The following AARS1 variants were observed in gnomAD, a reference collection of about 807,000 sequenced individuals.
AARS1 encodes the protein alanine--tRNA ligase, cytoplasmic.
Under a neutral mutation model 108.9 loss-of-function variants are expected in AARS1, and 72 were observed. The observed-to-expected ratio is 0.66, with a 90% CI of 0.55 to 0.80. The LOEUF (loss-of-function observed/expected upper bound fraction) is 0.80. Among genes scored for constraint, AARS1 ranks in the 30% least tolerant of loss-of-function variants. AARS1 has a pLI of 0.00. For missense variants in AARS1, 1,193 were observed against 1,233.2 expected (o/e 0.97, Z 0.49); for synonymous variants, 489 against 465.7 (o/e 1.05, Z -0.64).
rs1420254437 is a variant in AARS1, at chr16:70,253,292, G to C, written c.2697C>G (p.Ile899Met). The C allele has an allele frequency of 1.4e-5, 22 of 1,614,102 alleles. No homozygotes were observed. The highest frequency in any genetic ancestry group is 1.8e-5 in the Non-Finnish European group (21 of 1,179,926). The change falls in exon 20 of 21, where the codon ATC (isoleucine) becomes ATG (methionine). Residue 899 changes from isoleucine (I) to methionine (M), a missense_variant. Ile to Met is a conservative substitution (Grantham distance 10). Transcript: ENST00000261772. ...CCTGGGGAACTTGACACAGGCACGT[G>C]ATCTTGCCAGCCTCATTGTCCACCG... Reference protein sequence around the residue: ...LFTVDNEAGKITCLCQVPQNA... With the variant: ...LFTVDNEAGKMTCLCQVPQNA...
At chr16:70,282,905 T>C in intron 1 of AARS1, 121 bp from the exon 2 acceptor site, 1 of 924,062 alleles carries the variant, frequency 1.1e-6, no homozygotes. Flanking sequence ...TGTTTGATCC[T>C]AAAACCTCTA....
Position 70,276,528 on chromosome 16 carries a change from A to AG in AARS1, c.436_437insC (p.Leu146SerfsTer18). ...CTGTTTGCATTCCAGATCTGCTTCTAAGCCAGCTGCTTCATCCCCGCCAAA... is the reference window on the plus strand; with the variant it reads ...CTGTTTGCATTCCAGATCTGCTTCTAGAGCCAGCTGCTTCATCCCCGCCAAA... On this transcript the variant is annotated frameshift_variant, in exon 4 of 21. Transcript: ENST00000261772. LOFTEE classifies it high-confidence loss of function. 6.2e-7 allele frequency: 1 copy of AG among 1,614,070 alleles called. No homozygotes were observed. The highest frequency in any genetic ancestry group is 1.1e-5 in the South Asian group (1 of 91,076).
chr16:70,259,095 C>T lies in AARS1; in HGVS notation c.1877G>A (p.Gly626Asp). ...RSVLGEADQKGSLVAPDRLRF... is the reference protein window; with the variant it reads ...RSVLGEADQKDSLVAPDRLRF... ...GAGGCGGTCAGGAGCAACCAATGAG[C>T]CTTTCTGGTCAGCTTCCCCAAGCAC... The change falls in exon 14 of 21, where the codon GGC (glycine) becomes GAC (aspartate). Residue 626 changes from glycine (G) to aspartate (D), a missense_variant. By Grantham distance (94) the Gly-to-Asp change is moderately conservative. Coordinates refer to ENST00000261772, the MANE Select transcript of AARS1 (RefSeq NM_001605.3). 1.2e-6 allele frequency: 2 copies of T among 1,614,154 alleles called. No individual in the cohort carries two copies. Among genetic ancestry groups the T allele is most frequent in the Non-Finnish European group, 1.7e-6 (2 of 1,180,022 alleles).
chr16:70,276,716 A>G (rs1287875946), intron 3 of AARS1, 85 bp from the exon 4 acceptor site: 1 of 1,432,272 alleles, frequency 7.0e-7, no homozygotes, highest in East Asian at 2.3e-5. Context: ...GAACACAGAT[A>G]CAAAATCACA....
chr16:70,275,102 A>C (rs1960504907), intron 4 of AARS1, among the ~76,000 whole-genome samples: 1 of 151,404 alleles, frequency 6.6e-6, no homozygotes, highest in African/African-American at 2.4e-5. Flanking sequence ...TCTACTAAAA[A>C]TACAAAAATT....
chr16:70,286,735 C>A (rs1262503366), intron 1 of AARS1, among the ~76,000 whole-genome samples: 1 of 151,874 alleles, frequency 6.6e-6, no homozygotes, highest in Non-Finnish European at 1.5e-5. Flanking sequence ...ATCCCAGCTA[C>A]TTGGGAGGCT....
chr16:70,254,170 C>A (rs1460741713), intron 17 of AARS1, 132 bp from the exon 18 acceptor site: 4 of 1,257,976 alleles, frequency 3.2e-6, no homozygotes, highest in Non-Finnish European at 4.6e-6. Flanking sequence ...GCTTTGAGAC[C>A]AGTCCCTTTA....
intron 1 of AARS1, among the ~76,000 whole-genome samples, chr16:70,284,720 A>T (rs1960798688): frequency 6.6e-6 from 1 of 152,218 alleles, no homozygotes; most frequent in African/African-American, 2.4e-5. Flanking sequence ...CTGTAGTGCC[A>T]CAAACTGCTG....
chr16:70,270,306 T>C lies in AARS1; in HGVS notation c.706A>G (p.Lys236Glu), dbSNP rs1445416728. 2 of 1,614,184 alleles carry C rather than the reference T, an allele frequency of 1.2e-6. No individual in the cohort carries two copies. Among genetic ancestry groups the C allele is most frequent in the Admixed American group, 3.3e-5 (2 of 60,006 alleles). The change falls in exon 6 of 21, where the codon AAA (lysine) becomes GAA (glutamate). Residue 236 changes from lysine to glutamate, a missense_variant. By Grantham distance (56) the Lys-to-Glu change is moderately conservative. Transcript: ENST00000261772. ...AGGCCCATCCCTGTGTCAATGCTTTTCTTGGGAAGAGGTTTCAGAATGCCA... is the reference window on the plus strand; with the variant it reads ...AGGCCCATCCCTGTGTCAATGCTTTCCTTGGGAAGAGGTTTCAGAATGCCA... Reference protein sequence around the residue: ...ADGILKPLPKKSIDTGMGLER... With the variant: ...ADGILKPLPKESIDTGMGLER...
intron 2 of AARS1, 146 bp from the exon 3 acceptor site, chr16:70,277,300 C>T (rs1960574014): frequency 1.1e-6 from 1 of 909,432 alleles, no homozygotes. Flanking sequence ...GAACAGGTGG[C>T]CTGGTGGAGC....
chr16:70,253,279 G>A lies in AARS1; in HGVS notation c.2710C>T (p.Gln904Ter), dbSNP rs1296067260. ...GAGGTGGTGCTGACCTGGGGAACTT[G>A]ACACAGGCACGTGATCTTGCCAGCC... is the stretch of plus-strand genomic sequence containing the variant. ...NEAGKITCLC[Q>*]VPQNAANRGL... is the part of the protein sequence containing the mutation. Residue 904 changes from glutamine (Q) to a stop codon, truncating the protein, a stop_gained, in exon 20 of 21, where the codon CAA becomes TAA. Transcript: ENST00000261772. LOFTEE classifies it high-confidence loss of function. 6.2e-7 allele frequency: 1 copy of A among 1,613,586 alleles called. No individual in the cohort carries two copies. Among genetic ancestry groups the A allele is most frequent in the Non-Finnish European group, 8.5e-7 (1 of 1,179,618 alleles).
intron 9 of AARS1, 124 bp from the exon 10 acceptor site, chr16:70,265,786 G>T: frequency 8.2e-7 from 1 of 1,219,078 alleles, no homozygotes; most frequent in Non-Finnish European, 1.2e-6. Context: ...TATCGGCCCT[G>T]TGTGCCCATC....
rs199536819 is a variant in AARS1 at position 70,269,432 on chromosome 16, G to GA, written c.962+185dup. Among the ~76,000 whole-genome samples the GA allele has an allele frequency of 5.2e-3, 793 of 151,100 alleles. 16 individuals are homozygous for GA. Among genetic ancestry groups the GA allele is most frequent in the African/African-American group, 0.018 (736 of 41,106 alleles). ...TGCACCTATAATCCCAGCTACGTGGGAGGCTGAGGCAGAATCACTTGAACC... is the reference window on the plus strand; with the variant it reads ...TGCACCTATAATCCCAGCTACGTGGGAAGGCTGAGGCAGAATCACTTGAACC... On this transcript the variant is annotated intron_variant, in intron 7 of 20. Transcript: ENST00000261772.
chr16:70,260,909 G>A (rs187974175), intron 13 of AARS1, 135 bp downstream of exon 13: 11 of 655,892 alleles, frequency 1.7e-5, no homozygotes, highest in African/African-American at 5.4e-5. Context: ...TGATCCACCC[G>A]CCTCGGCCTC....
chr16:70,252,399 T>TG lies in AARS1; in HGVS notation c.*321dup. On this transcript the variant is annotated 3_prime_UTR_variant, in exon 21 of 21. Coordinates refer to ENST00000261772, the MANE Select transcript of AARS1 (RefSeq NM_001605.3). ...ATCATGCGGCATTAAGTATTGCACG[T>TG]GGTCCTTTTATTCTCTGCAGCAAAA... 2.3e-6 allele frequency: 1 copy of TG among 440,334 alleles called. No individual in the cohort carries two copies. Among genetic ancestry groups the TG allele is most frequent in the South Asian group, 2.2e-5 (1 of 44,568 alleles). 27.3% of individuals were successfully genotyped at this position (440,334 alleles called of 1,614,324 possible). A position where few individuals can be genotyped will look rare whatever the true frequency, so the allele number is the denominator to read the frequency against.
intron 15 of AARS1, 147 bp from the exon 16 acceptor site, chr16:70,255,983 C>G: frequency 1.4e-6 from 1 of 719,578 alleles, no homozygotes; most frequent in Non-Finnish European, 2.4e-6. Context: ...AGCGGGACAC[C>G]AGCTCGCTGA....
intron 4 of AARS1, among the ~76,000 whole-genome samples, chr16:70,273,356 A>T (rs1009459991): frequency 2.0e-5 from 3 of 152,232 alleles, no homozygotes; most frequent in Non-Finnish European, 2.9e-5. Flanking sequence ...TTCACAGCAC[A>T]GAACACATAT....
At chr16:70,263,364 C>A (rs1960191005) in intron 11 of AARS1, among the ~76,000 whole-genome samples, 1 of 152,022 alleles carries the variant, frequency 6.6e-6, no homozygotes, top group Non-Finnish European at 1.5e-5. Context: ...CTGAGCTCAG[C>A]AGTTTGAGAC....
intron 7 of AARS1, among the ~76,000 whole-genome samples, 178 bp from the exon 8 acceptor site, chr16:70,268,557 T>C (rs1054011521): frequency 1.3e-5 from 2 of 152,226 alleles, no homozygotes; most frequent in African/African-American, 2.4e-5. Context: ...TACCCACAAA[T>C]ACCCGTCAAG....
Sources: gnomAD v4.1 joint callset for allele counts (sites outside exome capture counted in the v4.1 genomes callset) on GRCh38, gnomAD v4.1.1 for gene constraint, MANE v1.5 for transcripts, NCBI Gene and HGNC (gene_info 2026-07-23, HGNC 2026-07-21) for gene names.